The following FSHR variants were observed in gnomAD, a reference collection of about 807,000 sequenced individuals.
FSHR encodes follicle-stimulating hormone receptor.
FSHR carries 46 observed loss-of-function variants against 52.1 expected under a neutral mutation model. The ratio of observed to expected loss-of-function variants is 0.88; its 90% CI spans 0.70 to 1.13. The LOEUF is 1.13. FSHR is among the 50% of genes most tolerant of loss of function. The pLI is 0.00. For synonymous variants in FSHR, 399 were observed against 309.6 expected, an observed-to-expected ratio of 1.29 and a Z score of -3.03; for missense variants, 964 against 834.6, an observed-to-expected ratio of 1.16 and a Z score of -1.91.
chr2:48,982,804 A>G (rs1246989482), intron 8 of FSHR, 108 bp downstream of exon 8: 3 of 962,464 alleles, frequency 3.1e-6, no homozygotes, highest in African/African-American at 1.6e-5. Context: ...TAAAAATTGA[A>G]CTTGATGGCC....
chr2:48,963,478 A>G lies in FSHR; in HGVS notation c.1343T>C (p.Phe448Ser). The G allele has an allele frequency of 2.5e-6, 4 of 1,614,174 alleles. No homozygotes were observed. Among genetic ancestry groups the G allele is most frequent in the Non-Finnish European group, 3.4e-6 (4 of 1,179,984 alleles). The part of the protein sequence containing the change: ...TGAGCDAAGF[F>S]TVFASELSVY... Reference sequence around the variant, plus strand: ...TGACAGCTCACTGGCAAAGACAGTGAAAAAGCCAGCAGCATCACAGCCTGC... The same window carrying G: ...TGACAGCTCACTGGCAAAGACAGTGGAAAAGCCAGCAGCATCACAGCCTGC... The change falls in exon 10 of 10, where the codon TTC becomes TCC. Residue 448 changes from phenylalanine (F) to serine (S), a missense_variant. Transcript: ENST00000406846.
At chr2:48,976,476 A>G (rs1327893976) in intron 8 of FSHR, among the ~76,000 whole-genome samples, 2 of 152,170 alleles carry the variant, frequency 1.3e-5, no homozygotes, top group African/African-American at 2.4e-5. Flanking sequence ...AGGTTTTGGT[A>G]TCAGGATGAT....
intron 2 of FSHR, among the ~76,000 whole-genome samples, chr2:49,057,378 T>C (rs1284035148): frequency 6.6e-6 from 1 of 151,708 alleles, no homozygotes; most frequent in Non-Finnish European, 1.5e-5. Context: ...ACTAAAAAAA[T>C]ACAAAGGATC....
At position 48,963,174 on chromosome 2, in the gene FSHR, A is replaced by G. The variant is rs1470986274; in HGVS notation, c.1647T>C (p.Tyr549=). The G allele has an allele frequency of 1.2e-5, 19 of 1,614,160 alleles. No homozygotes were observed. Among genetic ancestry groups the G allele is most frequent in the East Asian group, 4.5e-5 (2 of 44,870 alleles). The change falls in exon 10 of 10, where the codon TAT becomes TAC. Residue 549 remains tyrosine, a synonymous_variant. Transcript: ENST00000406846. ...TCCGCACTGTGAGGTAGATGTGGATATAGCAGCCACAGATGACCACAAAGG... is the reference window on the plus strand; with the variant it reads ...TCCGCACTGTGAGGTAGATGTGGATGTAGCAGCCACAGATGACCACAAAGG... ...VLAFVVICGC[Y]IHIYLTVRNP...
Position 48,986,750 on chromosome 2 carries a change from G to A in FSHR, c.524+2227C>T, listed in dbSNP as rs140096154. Among the ~76,000 whole-genome samples the A allele has an allele frequency of 3.4e-3, 515 of 152,270 alleles. 12 individuals are homozygous for A. Among genetic ancestry groups the A allele is most frequent in the East Asian group, 2.3e-3 (12 of 5,182 alleles). ...TGTAGCTTTGGGTTTGCAAAGCTAT[G>A]TCAGAAGTTCTTATTTCCTCAGGTT... On this transcript the variant is annotated intron_variant, in intron 6 of 9. Coordinates refer to ENST00000406846, the MANE Select transcript of FSHR (RefSeq NM_000145.4).
chr2:49,033,365 C>T (rs1668168214), intron 2 of FSHR, among the ~76,000 whole-genome samples: 2 of 152,130 alleles, frequency 1.3e-5, no homozygotes, highest in South Asian at 4.2e-4. Context: ...CCAAGAAGAA[C>T]CTGAGCATGG....
In FSHR at chr2:48,990,628, G is replaced by T; in HGVS notation, c.384C>A (p.Ser128=). 6.2e-7 allele frequency: 1 copy of T among 1,604,712 alleles called. No individual in the cohort carries two copies. Among genetic ancestry groups the T allele is most frequent in the Non-Finnish European group, 8.5e-7 (1 of 1,171,610 alleles). The change falls in exon 5 of 10, where the codon TCC becomes TCA. Residue 128 remains serine, a synonymous_variant. Transcript: ENST00000406846. ...CTGGAAGGTGCTTAATACCTGTGTT[G>T]GATATTAACCTAGAGAGAAACAAAA... is the stretch of plus-strand genomic sequence containing the variant. ...NLPNLQYLLI[S]NTGIKHLPDV...
chr2:49,044,169 A>G (rs927781066), intron 2 of FSHR, among the ~76,000 whole-genome samples: 4 of 152,226 alleles, frequency 2.6e-5, no homozygotes, highest in Non-Finnish European at 5.9e-5. Flanking sequence ...CTAGATTGAT[A>G]AAAACAGCTT....
chr2:49,021,658 T>C (rs1038700662), intron 2 of FSHR, among the ~76,000 whole-genome samples: 5 of 151,688 alleles, frequency 3.3e-5, no homozygotes, highest in Non-Finnish European at 5.9e-5. Context: ...GTGACATCTG[T>C]GGCTTGTTAA....
intron 2 of FSHR, 125 bp downstream of exon 2, chr2:49,068,094 T>A: frequency 1.3e-6 from 1 of 753,540 alleles, no homozygotes; most frequent in Non-Finnish European, 2.4e-6. Context: ...TGTGAGGAGA[T>A]GCAGAAAGTT....
chr2:49,049,377 C>T (rs1346127661), intron 2 of FSHR, among the ~76,000 whole-genome samples: 1 of 152,018 alleles, frequency 6.6e-6, no homozygotes, highest in Non-Finnish European at 1.5e-5. Context: ...AAGAAGATTG[C>T]GTTTGATAGC....
intron 2 of FSHR, among the ~76,000 whole-genome samples, chr2:49,035,354 G>C (rs1668238115): frequency 6.6e-6 from 1 of 152,232 alleles, no homozygotes; most frequent in South Asian, 2.1e-4. Flanking sequence ...AGTGACAGAA[G>C]AGACCAAGGA....
At chr2:49,100,942 T>A (rs1342922591) in intron 1 of FSHR, among the ~76,000 whole-genome samples, 3 of 152,136 alleles carry the variant, frequency 2.0e-5, no homozygotes, top group Non-Finnish European at 4.4e-5. Context: ...GAAAGTGTTG[T>A]GTTAAGAAAT....
chr2:49,062,470 A>C (rs78020157), intron 2 of FSHR, among the ~76,000 whole-genome samples: 3,148 of 152,270 alleles, frequency 0.021, 93 homozygotes, highest in African/African-American at 0.06. Context: ...CTTCTGGAAG[A>C]AAACATTGGG....
chr2:49,017,776 C>G (rs1376106098), intron 3 of FSHR, among the ~76,000 whole-genome samples: 1 of 151,992 alleles, frequency 6.6e-6, no homozygotes, highest in African/African-American at 2.4e-5. Context: ...AAATATTAAC[C>G]CTGTCTCCCT....
chr2:49,123,155 G>T (rs1001977117), intron 1 of FSHR, among the ~76,000 whole-genome samples: 7 of 152,256 alleles, frequency 4.6e-5, no homozygotes, highest in African/African-American at 1.7e-4. Context: ...TATAAACTCT[G>T]TTTTAAAAGG....
intron 1 of FSHR, among the ~76,000 whole-genome samples, chr2:49,135,687 T>A (rs935632305): frequency 6.6e-6 from 1 of 152,094 alleles, no homozygotes; most frequent in African/African-American, 2.4e-5. Flanking sequence ...TAACTTCGAA[T>A]CCTCTAAAAC....
At chr2:48,968,933 T>G in intron 8 of FSHR, 50 bp from the exon 9 acceptor site, 1 of 1,563,260 alleles carries the variant, frequency 6.4e-7, no homozygotes, top group Non-Finnish European at 8.8e-7. Flanking sequence ...ACCTAAAACT[T>G]TCTGCTCTTG....
intron 1 of FSHR, among the ~76,000 whole-genome samples, chr2:49,145,313 T>C (rs1672831173): frequency 6.6e-6 from 1 of 152,130 alleles, no homozygotes; most frequent in South Asian, 2.1e-4. Context: ...ACCTTTCCAT[T>C]GAACCCTATC....
Sources: allele counts gnomAD v4.1 joint callset (sites outside exome capture counted in the v4.1 genomes callset), GRCh38; gene constraint gnomAD v4.1.1; transcripts MANE v1.5; gene names NCBI Gene and HGNC (gene_info 2026-07-23, HGNC 2026-07-21).